The following TMED3 variants were observed in gnomAD, a reference collection of about 807,000 sequenced individuals.
The protein encoded by TMED3 is transmembrane emp24 domain-containing protein 3.
Under a neutral mutation model 15.0 loss-of-function variants are expected in TMED3, and 9 were observed. The observed-to-expected ratio is 0.60, with a 90% CI of 0.36 to 1.04. The LOEUF (loss-of-function observed/expected upper bound fraction) is 1.04. Among genes scored for constraint, TMED3 ranks in the 50% least tolerant of loss-of-function variants. TMED3 has a pLI of 0.01. For synonymous variants in TMED3, 117 were observed against 121.4 expected, an observed-to-expected ratio of 0.96 and a Z score of 0.24; for missense variants, 267 against 278.9, an observed-to-expected ratio of 0.96 and a Z score of 0.30.
intron 2 of TMED3, among the ~76,000 whole-genome samples, chr15:79,387,902 A>G (rs1893646941): frequency 6.6e-6 from 1 of 152,192 alleles, no homozygotes; most frequent in Non-Finnish European, 1.5e-5. Flanking sequence ...TTGCTGGCAT[A>G]TAGAAGTAAA....
At position 79,387,436 on chromosome 15, in the gene TMED3, G is replaced by A. The variant is rs974192208; in HGVS notation, c.418-23964G>A. ...TCAATCCCTGTGCAAATACTACAGT[G>A]ACGTGATAATTGAACCTTTATAAGT... On this transcript the variant is annotated intron_variant, in intron 2 of 2. Coordinates refer to the TMED3 transcript ENST00000424155. Among the ~76,000 whole-genome samples the A allele has an allele frequency of 9.9e-5, 15 of 152,208 alleles. No individual in the cohort carries two copies. The South Asian group carries it at 2.9e-3, about 29-fold the overall frequency.
At chr15:79,346,825 T>C (rs1304649100) in intron 2 of TMED3, among the ~76,000 whole-genome samples, 2 of 152,184 alleles carry the variant, frequency 1.3e-5, no homozygotes, top group African/African-American at 2.4e-5. Flanking sequence ...ACCTGATAGT[T>C]GTATGTGTGT....
At chr15:79,368,491 A>C (rs1231057869) in intron 2 of TMED3, among the ~76,000 whole-genome samples, 1 of 152,160 alleles carries the variant, frequency 6.6e-6, no homozygotes, top group African/African-American at 2.4e-5. Flanking sequence ...AGTGTTAGAA[A>C]GGACCTATGA....
At position 79,316,745 on chromosome 15, in the gene TMED3, A is replaced by G. The variant is rs899450807; in HGVS notation, c.417+2740A>G. 7.4e-4 allele frequency among the ~76,000 whole-genome samples: 112 copies of G among 152,186 alleles called. 3 individuals carry two copies. Among genetic ancestry groups the G allele is most frequent in the Admixed American group, 6.5e-4 (10 of 15,278 alleles). On this transcript the variant is annotated intron_variant, in intron 2 of 2. Coordinates refer to ENST00000299705, the MANE Select transcript of TMED3 (RefSeq NM_007364.4). ...GTGAGGCTCCAGGACACTGGAAGCC[A>G]GCCAGGACTGGTGGTCTTAGCAGGG...
intron 2 of TMED3, among the ~76,000 whole-genome samples, chr15:79,334,609 C>T (rs555336224): frequency 1.5e-4 from 23 of 152,292 alleles, no homozygotes; most frequent in Non-Finnish European, 2.5e-4. Flanking sequence ...GCCTCAACTT[C>T]TCCCCACACA....
chr15:79,320,172 C>T (rs1179396691), intron 2 of TMED3, among the ~76,000 whole-genome samples: 4 of 152,164 alleles, frequency 2.6e-5, no homozygotes, highest in South Asian at 2.1e-4. Context: ...CTGGCATTAC[C>T]GCTAGACCAA....
At chr15:79,324,431 A>T (rs2058780310), downstream of TMED3, among the ~76,000 whole-genome samples, 2 of 152,252 alleles carry the variant, frequency 1.3e-5, no homozygotes, top group Non-Finnish European at 2.9e-5. Flanking sequence ...TCCATAAGAA[A>T]GATGAAATGG....
intron 2 of TMED3, chr15:79,384,092 G>T (rs950398373): frequency 2.0e-5 from 3 of 152,246 alleles, no homozygotes; most frequent in African/African-American, 7.2e-5. Flanking sequence ...GGTGTGACCT[G>T]AGCTGGCTCA....
At chr15:79,353,282 ATATAT>A (rs2058903493) in intron 2 of TMED3, among the ~76,000 whole-genome samples, 1 of 48,780 alleles carries the variant, frequency 2.1e-5, no homozygotes, top group Non-Finnish European at 3.4e-5. Context: ...TATATATAAT[ATATAT>A]TATATGTATA....
chr15:79,390,087 T>G (rs1893677985), intron 2 of TMED3, among the ~76,000 whole-genome samples: 1 of 152,198 alleles, frequency 6.6e-6, no homozygotes, highest in Admixed American at 6.5e-5. Context: ...TATTTCTTTC[T>G]CTTGTCTGAT....
Position 79,322,687 on chromosome 15 carries a change from G to A in TMED3, c.*473G>A. 3.0e-6 allele frequency: 3 copies of A among 987,044 alleles called. No homozygotes were observed. The highest frequency in any genetic ancestry group is 3.6e-6 in the Non-Finnish European group (3 of 831,272). The allele number at this position is 987,044 out of a possible 1,614,324, so 61.1% of individuals were successfully genotyped here. On this transcript the variant is annotated 3_prime_UTR_variant, in exon 3 of 3. Coordinates refer to ENST00000299705, the MANE Select transcript of TMED3 (RefSeq NM_007364.4). ...TGTACCTGAGGAAACCAGGCCCTGG[G>A]TGACTTTGCAGATCTGCTCACCCTC...
downstream of TMED3, among the ~76,000 whole-genome samples, chr15:79,325,130 T>TC (rs1434698478): frequency 6.6e-6 from 1 of 152,222 alleles, no homozygotes; most frequent in African/African-American, 2.4e-5. Flanking sequence ...GACCTCTGAC[T>TC]CTAACTGAGG....
At chr15:79,366,147 A>G (rs758885826) in intron 2 of TMED3, among the ~76,000 whole-genome samples, 13 of 152,144 alleles carry the variant, frequency 8.5e-5, no homozygotes, top group African/African-American at 1.2e-4. Flanking sequence ...GGTAATGTAT[A>G]TAGCTCACAA....
At chr15:79,328,415 A>G (rs2058795238) in intron 2 of TMED3, among the ~76,000 whole-genome samples, 2 of 152,222 alleles carry the variant, frequency 1.3e-5, no homozygotes, top group Non-Finnish European at 2.9e-5. Context: ...ACTAAAATTT[A>G]TCTATTCCCC....
chr15:79,396,142 T>C (rs541718851), intron 2 of TMED3, among the ~76,000 whole-genome samples: 1 of 152,342 alleles, frequency 6.6e-6, no homozygotes, highest in East Asian at 1.9e-4. Flanking sequence ...AAGTTTGCCC[T>C]CCGTAACAAT....
At chr15:79,313,506 C>T (rs193052187) in intron 1 of TMED3, among the ~76,000 whole-genome samples, 2 of 152,330 alleles carry the variant, frequency 1.3e-5, no homozygotes, top group African/African-American at 4.8e-5. Flanking sequence ...TGAAACCCTG[C>T]AGAGCAAACT....
intron 2 of TMED3, among the ~76,000 whole-genome samples, chr15:79,340,952 G>A (rs1595893470): frequency 6.6e-6 from 1 of 152,278 alleles, no homozygotes; most frequent in East Asian, 1.9e-4. Context: ...CCAGCACTTT[G>A]GGAGGCCAAG....
At chr15:79,383,369 C>G (rs1247764986) in intron 2 of TMED3, 2 of 242,298 alleles carry the variant, frequency 8.3e-6, no homozygotes, top group Non-Finnish European at 1.6e-5. Context: ...TTTGGAAGGT[C>G]CCTCACACCA....
rs1893983490 is a variant in TMED3, at chr15:79,411,706, A to T, written c.*202A>T. On this transcript the variant is annotated 3_prime_UTR_variant, in exon 3 of 3. Coordinates refer to the TMED3 transcript ENST00000424155. The stretch of plus-strand genomic sequence containing the variant: ...GCCTCTGGAATCCCGGCAGGAGGAG[A>T]CTCCTTGACCACCACAGACACTTGA... 12 of 531,136 alleles carry T rather than the reference A, an allele frequency of 2.3e-5. No homozygotes were observed. In the East Asian group the frequency reaches 3.8e-4, roughly 17 times the overall value. The allele number at this position is 531,136 out of a possible 1,614,324, so 32.9% of individuals were successfully genotyped here. A position where few individuals can be genotyped will look rare whatever the true frequency, so the allele number is the denominator to read the frequency against.
Sources: allele counts gnomAD v4.1 joint callset (sites outside exome capture counted in the v4.1 genomes callset), GRCh38; gene constraint gnomAD v4.1.1; transcripts MANE v1.5; gene names NCBI Gene and HGNC (gene_info 2026-07-23, HGNC 2026-07-21).